The following XKR9 variants were observed in gnomAD, a reference collection of about 807,000 sequenced individuals.
XKR9 encodes XK-related protein 9.
A neutral mutation model predicts 32.0 loss-of-function variants in XKR9; 32 were observed. The observed-to-expected ratio is 1.00, with a 90% confidence interval of 0.76 to 1.34. The LOEUF is 1.34. Among genes scored for constraint, XKR9 ranks in the 40% most tolerant of loss-of-function variants. The pLI, the probability that XKR9 is intolerant of heterozygous loss-of-function variation, is 0.00. For missense variants in XKR9, 546 were observed against 429.7 expected (o/e 1.27, Z -2.39); for synonymous variants, 168 against 143.4 (o/e 1.17, Z -1.22).
intron 2 of XKR9, among the ~76,000 whole-genome samples, chr8:70,758,250 G>A (rs978153698): frequency 2.6e-5 from 4 of 151,932 alleles, no homozygotes; most frequent in Admixed American, 2.6e-4. Flanking sequence ...CCTACAGTTA[G>A]CTTGGGATGA....
At chr8:70,819,637 A>G in the XKR9 span, among the ~76,000 whole-genome samples, 1 of 152,322 alleles carries the variant, frequency 6.6e-6, no homozygotes, top group Admixed American at 6.5e-5. Flanking sequence ...GTTTTAACCT[A>G]TAGGGTTATT....
At chr8:70,908,475 C>G in the XKR9 span, among the ~76,000 whole-genome samples, 2 of 152,122 alleles carry the variant, frequency 1.3e-5, no homozygotes, top group African/African-American at 4.8e-5. Context: ...CTGCCAGAGA[C>G]CTGACTTGAA....
downstream of XKR9, among the ~76,000 whole-genome samples, chr8:70,794,705 T>TATTCCAGGTG (rs1044648979): frequency 2.6e-5 from 4 of 152,016 alleles, no homozygotes; most frequent in Admixed American, 2.0e-4. Flanking sequence ...AAGTCCTACT[T>TATTCCAGGTG]ATTCCAGGTG....
At chr8:70,909,553 T>C in the XKR9 span, among the ~76,000 whole-genome samples, 16 of 151,962 alleles carry the variant, frequency 1.1e-4, no homozygotes, top group East Asian at 2.3e-3. Flanking sequence ...AGAAACCCAG[T>C]TCGCCCAGGA....
rs963939835 is a variant in XKR9 at position 70,735,843 on chromosome 8, T to A, written c.*1419T>A. ...ATTCCATGGTGTATATGTGCCACAT[T>A]TTCTTAATCCAGTCTATTGTTGTTG... On this transcript the variant is annotated 3_prime_UTR_variant, in exon 5 of 5. Coordinates refer to ENST00000408926, the MANE Select transcript of XKR9 (RefSeq NM_001011720.2). 4 of 152,138 alleles carry A rather than the reference T, an allele frequency of 2.6e-5. No homozygotes were observed. Among genetic ancestry groups the A allele is most frequent in the Admixed American group, 6.5e-5 (1 of 15,284 alleles). The allele number at this position is 152,138 out of a possible 1,614,324, so 9.4% of individuals were successfully genotyped here.
chr8:70,750,023 G>T lies in XKR9; in HGVS notation n.353-39316G>T, dbSNP rs552409138. Among the ~76,000 whole-genome samples the T allele has an allele frequency of 5.8e-3, 885 of 152,050 alleles. 8 individuals are homozygous for T. Among genetic ancestry groups the T allele is most frequent in the Non-Finnish European group, 7.6e-3 (513 of 67,898 alleles). ...ATGTATAAATGCGTGTGTGTGTGTG[G>T]TGTGTGTATGCATGAATGCACTTAT... On this transcript the variant is annotated intron_variant and non_coding_transcript_variant, in intron 2 of 3. Coordinates refer to the XKR9 transcript ENST00000520273.
chr8:70,975,544 A>G, the XKR9 span, among the ~76,000 whole-genome samples: 2 of 152,264 alleles, frequency 1.3e-5, no homozygotes, highest in East Asian at 3.9e-4. Context: ...CAAAGATCAG[A>G]TGGTAGTAGA....
At chr8:70,897,182 C>T in the XKR9 span, among the ~76,000 whole-genome samples, 50 of 152,252 alleles carry the variant, frequency 3.3e-4, 2 homozygotes, top group South Asian at 9.8e-3. Context: ...TAATGACTCC[C>T]ACTTCCATCC....
the XKR9 span, among the ~76,000 whole-genome samples, chr8:71,061,226 T>C: frequency 1.3e-5 from 2 of 152,200 alleles, no homozygotes; most frequent in African/African-American, 4.8e-5. Context: ...GTCTGTGCTC[T>C]TCCTACATCC....
At chr8:70,781,487 C>T (rs562105695) in intron 2 of XKR9, among the ~76,000 whole-genome samples, 11 of 150,676 alleles carry the variant, frequency 7.3e-5, no homozygotes, top group East Asian at 5.8e-4. Context: ...GGTCAAATCA[C>T]GGTAATCAGC....
At chr8:70,888,826 T>C in the XKR9 span, among the ~76,000 whole-genome samples, 1 of 152,028 alleles carries the variant, frequency 6.6e-6, no homozygotes. Flanking sequence ...TCTGTTTTTA[T>C]ACCAATACCA....
the XKR9 span, among the ~76,000 whole-genome samples, chr8:70,871,960 T>C: frequency 6.6e-6 from 1 of 152,202 alleles, no homozygotes; most frequent in Non-Finnish European, 1.5e-5. Flanking sequence ...GTTCCAACTT[T>C]TCCAATTTGG....
intron 3 of XKR9, among the ~76,000 whole-genome samples, chr8:70,703,568 A>G (rs1805613395): frequency 6.6e-6 from 1 of 152,122 alleles, no homozygotes; most frequent in Non-Finnish European, 1.5e-5. Context: ...TCCACCTCAA[A>G]TATCATCACA....
At chr8:70,732,475 A>G (rs1806703874) in intron 4 of XKR9, among the ~76,000 whole-genome samples, 1 of 152,194 alleles carries the variant, frequency 6.6e-6, no homozygotes, top group Admixed American at 6.5e-5. Context: ...CTCTGGATCC[A>G]TTGCCAGAGT....
chr8:70,888,917 C>A, the XKR9 span, among the ~76,000 whole-genome samples: 1 of 151,854 alleles, frequency 6.6e-6, no homozygotes, highest in Admixed American at 6.6e-5. Context: ...TTTTGCTCAG[C>A]ATTGCTTTGG....
chr8:70,783,599 T>TG (rs1407929292), intron 2 of XKR9, among the ~76,000 whole-genome samples: 1 of 152,204 alleles, frequency 6.6e-6, no homozygotes, highest in Non-Finnish European at 1.5e-5. Flanking sequence ...TTGTATATTT[T>TG]GGATATTAAC....
intron 1 of XKR9, among the ~76,000 whole-genome samples, chr8:70,670,838 T>A (rs2086068): frequency 6.6e-6 from 1 of 152,124 alleles, no homozygotes; most frequent in East Asian, 1.9e-4. Context: ...GGCATTTCAA[T>A]CTGTCAATAT....
At chr8:71,015,324 C>T in the XKR9 span, among the ~76,000 whole-genome samples, 3 of 152,126 alleles carry the variant, frequency 2.0e-5, no homozygotes, top group African/African-American at 7.2e-5. Flanking sequence ...TAGGGAGGAA[C>T]TTATATCAGT....
the XKR9 span, among the ~76,000 whole-genome samples, chr8:70,870,878 A>C: frequency 6.6e-6 from 1 of 152,248 alleles, no homozygotes; most frequent in African/African-American, 2.4e-5. Context: ...TAATAACAAA[A>C]GAAAAGAAAG....
Sources: gnomAD v4.1 joint callset for allele counts (sites outside exome capture counted in the v4.1 genomes callset) on GRCh38, gnomAD v4.1.1 for gene constraint, MANE v1.5 for transcripts, NCBI Gene and HGNC (gene_info 2026-07-23, HGNC 2026-07-21) for gene names.